The following DLGAP2 variants were observed in gnomAD, a reference collection of about 807,000 sequenced individuals.
DLGAP2 encodes the protein disks large-associated protein 2.
A neutral mutation model predicts 100.3 loss-of-function variants in DLGAP2; 26 were observed. That is an observed-to-expected ratio of 0.26 (90% CI 0.19 to 0.36). The LOEUF (loss-of-function observed/expected upper bound fraction) is 0.36, where lower values mean the gene tolerates loss of function less well. Ranked by LOEUF, DLGAP2 falls within the 10% of genes least tolerant of loss-of-function variation. The probability of loss-of-function intolerance (pLI) is 1.00; values close to 1 mark genes in which losing one functional copy is unlikely to be tolerated. For synonymous variants in DLGAP2, 886 were observed against 630.1 expected (o/e 1.41, Z -6.08); for missense variants, 1,858 against 1,453.2 (o/e 1.28, Z -4.53).
chr8:783,225 C>T (rs137909857), intron 1 of DLGAP2, among the ~76,000 whole-genome samples: 3 of 152,298 alleles, frequency 2.0e-5, no homozygotes, highest in African/African-American at 7.2e-5. Flanking sequence ...ATGTAAGAAT[C>T]AAACACTCTT....
At chr8:1,441,924 CG>C (rs1368689704) in intron 3 of DLGAP2, among the ~76,000 whole-genome samples, 2 of 151,870 alleles carry the variant, frequency 1.3e-5, no homozygotes, top group East Asian at 3.9e-4. Context: ...GAATACTATG[CG>C]GCCATGAAAA....
intron 4 of DLGAP2, among the ~76,000 whole-genome samples, chr8:1,516,347 G>A (rs906733563): frequency 4.6e-5 from 7 of 151,664 alleles, no homozygotes; most frequent in Admixed American, 2.0e-4. Flanking sequence ...GAATGAGTGA[G>A]TGAATAAGGG....
chr8:1,408,891 G>A (rs1796649767), intron 3 of DLGAP2, among the ~76,000 whole-genome samples: 1 of 152,200 alleles, frequency 6.6e-6, no homozygotes. Context: ...GGTGGTCCAT[G>A]ATGCCTGTCT....
At chr8:862,227 C>T (rs1797405782) in intron 1 of DLGAP2, among the ~76,000 whole-genome samples, 1 of 152,018 alleles carries the variant, frequency 6.6e-6, no homozygotes, top group South Asian at 2.1e-4. Flanking sequence ...TCCCACGTGT[C>T]CTGTGGTGGA....
chr8:1,155,120 G>A (rs1386748128), intron 2 of DLGAP2, among the ~76,000 whole-genome samples: 2 of 152,132 alleles, frequency 1.3e-5, no homozygotes, highest in African/African-American at 2.4e-5. Context: ...CCTGGGTCCC[G>A]TCCCCTGGGT....
At chr8:1,567,970 T>A (rs1163511376) in intron 6 of DLGAP2, among the ~76,000 whole-genome samples, 1 of 152,184 alleles carries the variant, frequency 6.6e-6, no homozygotes, top group Non-Finnish European at 1.5e-5. Context: ...CCTACGTTAC[T>A]CCTGTTCTAA....
intron 12 of DLGAP2, among the ~76,000 whole-genome samples, chr8:1,682,301 C>T (rs1798971103): frequency 6.6e-6 from 1 of 152,170 alleles, no homozygotes; most frequent in South Asian, 2.1e-4. Context: ...GAATGAAAGT[C>T]CCTACAAAGG....
intron 3 of DLGAP2, among the ~76,000 whole-genome samples, chr8:1,442,336 G>C (rs1797858322): frequency 6.6e-6 from 1 of 150,918 alleles, no homozygotes; most frequent in African/African-American, 2.4e-5. Flanking sequence ...CACTGGGGGA[G>C]ATGGATCCAG....
At chr8:1,354,035 T>C (rs1801793593) in intron 3 of DLGAP2, among the ~76,000 whole-genome samples, 1 of 152,204 alleles carries the variant, frequency 6.6e-6, no homozygotes, top group African/African-American at 2.4e-5. Flanking sequence ...GTGCTGTTTA[T>C]AGAAGGATGA....
At chr8:1,586,537 C>T (rs1269459216) in intron 6 of DLGAP2, among the ~76,000 whole-genome samples, 1 of 152,194 alleles carries the variant, frequency 6.6e-6, no homozygotes, top group Non-Finnish European at 1.5e-5. Context: ...TCTCACTACC[C>T]CGGGGTCTGC....
At chr8:880,872 G>C (rs552915424) in intron 1 of DLGAP2, among the ~76,000 whole-genome samples, 26 of 152,314 alleles carry the variant, frequency 1.7e-4, no homozygotes, top group African/African-American at 5.8e-4. Flanking sequence ...ATTAGGGTGG[G>C]TGCCTCCTCC....
intron 4 of DLGAP2, among the ~76,000 whole-genome samples, chr8:1,537,631 C>T (rs1801196914): frequency 6.6e-6 from 1 of 152,068 alleles, no homozygotes. Flanking sequence ...TCTCTATCCC[C>T]AACATCTACT....
chr8:1,312,215 C>T (rs565921664), intron 3 of DLGAP2, among the ~76,000 whole-genome samples: 1 of 152,148 alleles, frequency 6.6e-6, no homozygotes, highest in Non-Finnish European at 1.5e-5. Context: ...AGATCACAGA[C>T]CTAAATATAA....
At chr8:1,210,023 C>G (rs1206159998) in intron 2 of DLGAP2, among the ~76,000 whole-genome samples, 2 of 152,106 alleles carry the variant, frequency 1.3e-5, no homozygotes, top group East Asian at 3.8e-4. Flanking sequence ...AGTCATGGTG[C>G]TCAGTCATCC....
At chr8:1,677,038 G>T (rs1798828078) in intron 11 of DLGAP2, among the ~76,000 whole-genome samples, 2 of 152,026 alleles carry the variant, frequency 1.3e-5, no homozygotes, top group Non-Finnish European at 1.5e-5. Context: ...ATATTACCTA[G>T]AAACAAAAAA....
intron 2 of DLGAP2, among the ~76,000 whole-genome samples, chr8:1,069,166 G>A (rs1803351169): frequency 6.6e-6 from 1 of 152,222 alleles, no homozygotes; most frequent in Non-Finnish European, 1.5e-5. Flanking sequence ...AAATATTTGT[G>A]GAGAACGAAT....
At chr8:1,043,252 G>GAC in intron 2 of DLGAP2, among the ~76,000 whole-genome samples, 1 of 120,578 alleles carries the variant, frequency 8.3e-6, no homozygotes, top group East Asian at 2.3e-4. Context: ...GTGGGTGGTG[G>GAC]GTGTGGGTGG....
Position 1,676,517 on chromosome 8 carries a change from T to G in DLGAP2, c.2203-16T>G, listed in dbSNP as rs764755107. Reference sequence around the variant, plus strand: ...CATGTTTCAGTTCTAAAATAAGACGTTCTCTGTTGAATTAGGTGGAAACGG... The same window carrying G: ...CATGTTTCAGTTCTAAAATAAGACGGTCTCTGTTGAATTAGGTGGAAACGG... On this transcript the variant is annotated splice_polypyrimidine_tract_variant and intron_variant, in intron 10 of 14. Transcript: ENST00000637795. 6.2e-6 allele frequency: 10 copies of G among 1,610,042 alleles called. No homozygotes were observed. Among genetic ancestry groups the G allele is most frequent in the Non-Finnish European group, 8.5e-6 (10 of 1,178,266 alleles).
intron 3 of DLGAP2, among the ~76,000 whole-genome samples, chr8:1,476,583 C>T (rs894328693): frequency 2.0e-5 from 3 of 152,218 alleles, no homozygotes; most frequent in African/African-American, 7.2e-5. Context: ...AATGTTAGTG[C>T]TGTCCCCATC....
Sources: allele counts gnomAD v4.1 joint callset (sites outside exome capture counted in the v4.1 genomes callset), GRCh38; gene constraint gnomAD v4.1.1; transcripts MANE v1.5; gene names NCBI Gene and HGNC (gene_info 2026-07-23, HGNC 2026-07-21).